The following GRM8 variants were observed in gnomAD, a reference collection of about 807,000 sequenced individuals.
The protein encoded by GRM8 is metabotropic glutamate receptor 8.
In GRM8, 47 loss-of-function variants were observed where a neutral mutation model predicts 87.2. That is an observed-to-expected ratio of 0.54 (90% CI 0.43 to 0.69). The LOEUF (loss-of-function observed/expected upper bound fraction) is 0.69. Ranked by LOEUF, GRM8 falls within the 30% of genes least tolerant of loss-of-function variation. GRM8 has a pLI of 0.00. For synonymous variants in GRM8, 396 were observed against 404.5 expected, an observed-to-expected ratio of 0.98 and a Z score of 0.25; for missense variants, 1,019 against 1,139.2, an observed-to-expected ratio of 0.89 and a Z score of 1.52.
chr7:127,185,975 G>C (rs1794714118), intron 2 of GRM8, among the ~76,000 whole-genome samples: 1 of 152,082 alleles, frequency 6.6e-6, no homozygotes, highest in African/African-American at 2.4e-5. Flanking sequence ...CCTTAACAGG[G>C]GAAAGAGCTA....
intron 6 of GRM8, among the ~76,000 whole-genome samples, chr7:126,863,297 A>G (rs1205063682): frequency 6.6e-6 from 1 of 152,118 alleles, no homozygotes; most frequent in Non-Finnish European, 1.5e-5. Flanking sequence ...CATTTTATTA[A>G]ACTTATTTCA....
chr7:127,002,262 G>A (rs1813803020), intron 3 of GRM8, among the ~76,000 whole-genome samples: 1 of 151,594 alleles, frequency 6.6e-6, no homozygotes, highest in African/African-American at 2.4e-5. Flanking sequence ...TTATATACTT[G>A]CTGAGGCTGT....
At chr7:126,766,477 C>A (rs1818204938) in intron 7 of GRM8, among the ~76,000 whole-genome samples, 1 of 152,054 alleles carries the variant, frequency 6.6e-6, no homozygotes, top group Admixed American at 6.6e-5. Context: ...TTTAAATGGG[C>A]ATTACTAAGT....
At chr7:126,819,400 A>G (rs1277870133) in intron 6 of GRM8, among the ~76,000 whole-genome samples, 3 of 152,098 alleles carry the variant, frequency 2.0e-5, no homozygotes, top group African/African-American at 7.2e-5. Flanking sequence ...TCACATTCCT[A>G]CAAATACACT....
At chr7:126,573,864 G>C (rs1418092025) in intron 8 of GRM8, among the ~76,000 whole-genome samples, 1 of 152,158 alleles carries the variant, frequency 6.6e-6, no homozygotes, top group African/African-American at 2.4e-5. Flanking sequence ...TGGGATTACA[G>C]GCATGAGCCA....
chr7:126,621,928 A>T (rs1313826763), intron 7 of GRM8, among the ~76,000 whole-genome samples: 1 of 152,076 alleles, frequency 6.6e-6, no homozygotes, highest in African/African-American at 2.4e-5. Context: ...CTTCGCTCCC[A>T]TGATAGTGAC....
At chr7:126,802,420 T>C (rs750560068) in intron 6 of GRM8, among the ~76,000 whole-genome samples, 1 of 152,198 alleles carries the variant, frequency 6.6e-6, no homozygotes, top group Non-Finnish European at 1.5e-5. Flanking sequence ...AAAAGTGAGA[T>C]TGTTCAGTAT....
At chr7:126,514,707 G>A (rs1811923962) in intron 9 of GRM8, among the ~76,000 whole-genome samples, 1 of 151,846 alleles carries the variant, frequency 6.6e-6, no homozygotes, top group African/African-American at 2.4e-5. Context: ...TGTATATAGA[G>A]ATGAATAAGA....
At chr7:126,894,706 A>T (rs959855681) in intron 6 of GRM8, among the ~76,000 whole-genome samples, 1 of 152,032 alleles carries the variant, frequency 6.6e-6, no homozygotes, top group African/African-American at 2.4e-5. Context: ...TACCAGGAAA[A>T]ATAGTAGAAT....
At chr7:126,943,449 G>A (rs1807191522) in intron 3 of GRM8, among the ~76,000 whole-genome samples, 1 of 152,204 alleles carries the variant, frequency 6.6e-6, no homozygotes, top group South Asian at 2.1e-4. Context: ...AGGAGGCTAG[G>A]AAGTCAAGGT....
chr7:126,786,463 C>T (rs1339938674), intron 6 of GRM8, among the ~76,000 whole-genome samples: 1 of 152,142 alleles, frequency 6.6e-6, no homozygotes, highest in African/African-American at 2.4e-5. Context: ...TTCACAAGGG[C>T]AGGGATCATG....
chr7:126,669,787 G>GC (rs1806190579), intron 7 of GRM8, among the ~76,000 whole-genome samples: 1 of 152,202 alleles, frequency 6.6e-6, no homozygotes, highest in African/African-American at 2.4e-5. Flanking sequence ...AGGGGTATAA[G>GC]AACAGTAAAA....
intron 6 of GRM8, among the ~76,000 whole-genome samples, chr7:126,876,550 G>A (rs1432114034): frequency 2.6e-5 from 4 of 151,984 alleles, no homozygotes; most frequent in Admixed American, 2.6e-4. Context: ...TGTTTTTGAG[G>A]TATCCATGAG....
At chr7:126,710,091 T>C (rs1374311276) in intron 7 of GRM8, among the ~76,000 whole-genome samples, 1 of 152,242 alleles carries the variant, frequency 6.6e-6, no homozygotes, top group Non-Finnish European at 1.5e-5. Context: ...ACTAAGTGTA[T>C]AGCAGCATTA....
rs138906889 is a variant in GRM8 at position 127,216,983 on chromosome 7, T to C, written c.510+25712A>G. ...GTCACATCACCCTTTTTAAATTTTC[T>C]TCACAGTCCATATCAGTATCTTAAA... On this transcript the variant is annotated intron_variant, in intron 2 of 10. Coordinates refer to ENST00000339582, the MANE Select transcript of GRM8 (RefSeq NM_000845.3). Among the ~76,000 whole-genome samples the C allele has an allele frequency of 2.9e-3, 435 of 152,358 alleles. 3 individuals are homozygous for C. The highest frequency in any genetic ancestry group is 9.9e-3 in the African/African-American group (413 of 41,580).
intron 9 of GRM8, among the ~76,000 whole-genome samples, chr7:126,483,452 C>T (rs1340463100): frequency 1.6e-5 from 2 of 122,512 alleles, no homozygotes; most frequent in Non-Finnish European, 3.3e-5. Flanking sequence ...CTATTCTCTC[C>T]CTCCCTCCCT....
chr7:126,871,088 G>A (rs1445278659), intron 6 of GRM8, among the ~76,000 whole-genome samples: 1 of 152,064 alleles, frequency 6.6e-6, no homozygotes, highest in Non-Finnish European at 1.5e-5. Context: ...GAAATCATAG[G>A]AAAGAAATGT....
At chr7:126,710,619 T>C (rs1811004655) in intron 7 of GRM8, among the ~76,000 whole-genome samples, 1 of 152,232 alleles carries the variant, frequency 6.6e-6, no homozygotes, top group African/African-American at 2.4e-5. Flanking sequence ...GGCTCTACTT[T>C]CTAATTCTAG....
chr7:126,473,926 A>T (rs113286248), intron 9 of GRM8, among the ~76,000 whole-genome samples: 2 of 152,260 alleles, frequency 1.3e-5, no homozygotes, highest in African/African-American at 4.8e-5. Context: ...ACCTTCCACC[A>T]TGATTGTGAT....
Sources: gnomAD v4.1 joint callset for allele counts (sites outside exome capture counted in the v4.1 genomes callset) on GRCh38, gnomAD v4.1.1 for gene constraint, MANE v1.5 for transcripts, NCBI Gene and HGNC (gene_info 2026-07-23, HGNC 2026-07-21) for gene names.